Variants in ZFR2 observed in about 807,000 individuals in gnomAD.
ZFR2 encodes zinc finger RNA-binding protein 2.
ZFR2 carries 104 observed loss-of-function variants against 105.7 expected under a neutral mutation model. The ratio of observed to expected loss-of-function variants is 0.98; its 90% confidence interval spans 0.84 to 1.16. The LOEUF (loss-of-function observed/expected upper bound fraction) is 1.16, where lower values mean the gene tolerates loss of function less well. ZFR2 is among the 50% of genes most tolerant of loss of function. ZFR2 has a pLI of 0.00. For missense variants in ZFR2, 1,425 were observed against 1,355.5 expected (o/e 1.05, Z -0.80); for synonymous variants, 634 against 597.7 (o/e 1.06, Z -0.89).
chr19:3,805,763 C>T lies in ZFR2; in HGVS notation c.*186G>A, dbSNP rs1305447434. The stretch of plus-strand genomic sequence containing the variant: ...TCAAGCAACTCAGCCTCCCAAAGTG[C>T]TGGGATTAAAGGCATGAGCCACAGT... On this transcript the variant is annotated 3_prime_UTR_variant, in exon 19 of 19. Coordinates refer to ENST00000262961, the MANE Select transcript of ZFR2 (RefSeq NM_015174.2). 1.5e-6 allele frequency: 1 copy of T among 653,014 alleles called. No homozygotes were observed. The allele number at this position is 653,014 out of a possible 1,614,324, so 40.5% of individuals were successfully genotyped here. A position where few individuals can be genotyped will look rare whatever the true frequency, so the allele number is the denominator to read the frequency against.
chr19:3,867,252 A>G (rs2038441642), intron 1 of ZFR2, among the ~76,000 whole-genome samples: 1 of 151,232 alleles, frequency 6.6e-6, no homozygotes, highest in Admixed American at 6.6e-5. Flanking sequence ...GGTTATAGCA[A>G]GCTACCAGCT....
At chr19:3,855,594 A>C in intron 1 of ZFR2, 1 of 514,614 alleles carries the variant, frequency 1.9e-6, no homozygotes, top group East Asian at 3.5e-5. Context: ...GGGGTCAGCA[A>C]AATAATTCAA....
chr19:3,848,992 T>TCAAAA (rs143956990), intron 1 of ZFR2, among the ~76,000 whole-genome samples: 20,118 of 151,636 alleles, frequency 0.13, 1,840 homozygotes, highest in African/African-American at 0.27. Flanking sequence ...AGACTCCGTC[T>TCAAAA]CAAAACAAAA....
chr19:3,832,108 G>C (rs1435283138), intron 3 of ZFR2, among the ~76,000 whole-genome samples: 6 of 152,162 alleles, frequency 3.9e-5, no homozygotes, highest in African/African-American at 1.4e-4. Context: ...GGCTGTGGGT[G>C]CCCTAGACAA....
chr19:3,836,863 A>G (rs928455742), intron 1 of ZFR2, among the ~76,000 whole-genome samples: 1 of 152,242 alleles, frequency 6.6e-6, no homozygotes, highest in Non-Finnish European at 1.5e-5. Flanking sequence ...TGGAGTCTAA[A>G]AGCCCATTTG....
chr19:3,868,382 CG>C (rs2038458829), intron 1 of ZFR2, among the ~76,000 whole-genome samples: 1 of 147,730 alleles, frequency 6.8e-6, no homozygotes, highest in African/African-American at 2.5e-5. Flanking sequence ...CCCCCGCAAT[CG>C]GGGGTCAATG....
chr19:3,807,495 C>G (rs535380966), intron 17 of ZFR2, among the ~76,000 whole-genome samples: 1 of 152,250 alleles, frequency 6.6e-6, no homozygotes, highest in Non-Finnish European at 1.5e-5. Context: ...CTGCCAGCAT[C>G]TCCTGGGCGT....
In ZFR2 at chr19:3,833,742, T is replaced by A. The variant is rs2038046025; in HGVS notation, c.301A>T (p.Ser101Cys). Residue 101 changes from serine to cysteine, a missense_variant, in exon 3 of 19, where the codon AGC (serine) becomes TGC (cysteine). By Grantham distance (112) the Ser-to-Cys change is moderately radical. Transcript: ENST00000262961. ...TGGAAGTACGGCCTGTCCTCATAGCTCCTGGCAGCTGCTGACTGTCCGTAG... is the reference window on the plus strand; with the variant it reads ...TGGAAGTACGGCCTGTCCTCATAGCACCTGGCAGCTGCTGACTGTCCGTAG... ...YSYGQSAAARSYEDRPYFQSA... is the reference protein window; with the variant it reads ...YSYGQSAAARCYEDRPYFQSA... 2 of 1,582,820 alleles carry A rather than the reference T, an allele frequency of 1.3e-6. No individual in the cohort carries two copies. The highest frequency in any genetic ancestry group is 1.7e-6 in the Non-Finnish European group (2 of 1,164,160).
At chr19:3,847,933 G>A (rs1335155560) in intron 1 of ZFR2, among the ~76,000 whole-genome samples, 1 of 152,146 alleles carries the variant, frequency 6.6e-6, no homozygotes, top group East Asian at 1.9e-4. Context: ...AACCAAGCTG[G>A]CCAGAAGACA....
chr19:3,842,698 A>G (rs1028714217), intron 1 of ZFR2, among the ~76,000 whole-genome samples: 1 of 149,160 alleles, frequency 6.7e-6, no homozygotes, highest in African/African-American at 2.5e-5. Flanking sequence ...ATCTCAGCTC[A>G]CTGCAACCTC....
At chr19:3,862,685 T>C (rs2038386345) in intron 1 of ZFR2, among the ~76,000 whole-genome samples, 1 of 152,236 alleles carries the variant, frequency 6.6e-6, no homozygotes, top group Admixed American at 6.5e-5. Flanking sequence ...GTATAGGAGC[T>C]CAGACCGCAA....
chr19:3,808,207 G>A (rs940349427), intron 17 of ZFR2, among the ~76,000 whole-genome samples: 2 of 147,716 alleles, frequency 1.4e-5, no homozygotes, highest in Admixed American at 6.7e-5. Context: ...GTGTATGTGC[G>A]TGTGTGCCCG....
intron 1 of ZFR2, among the ~76,000 whole-genome samples, chr19:3,856,770 G>A (rs1443843000): frequency 1.3e-5 from 2 of 152,144 alleles, no homozygotes; most frequent in East Asian, 1.9e-4. Context: ...TTGCTCTGTC[G>A]CCCAGGCTGG....
intron 14 of ZFR2, among the ~76,000 whole-genome samples, chr19:3,812,230 C>A (rs568763699): frequency 6.6e-6 from 1 of 152,150 alleles, no homozygotes. Context: ...AGGCGTGAGC[C>A]ACCGCGCCTG....
chr19:3,838,212 T>G lies in ZFR2; in HGVS notation c.54-3229A>C, dbSNP rs1203235161. Among the ~76,000 whole-genome samples the G allele has an allele frequency of 2.6e-5, 4 of 151,452 alleles. No individual in the cohort carries two copies. Among genetic ancestry groups the G allele is most frequent in the Non-Finnish European group, 4.4e-5 (3 of 67,850 alleles). On this transcript the variant is annotated intron_variant, in intron 1 of 18. Transcript: ENST00000262961. This position sits in a 1 kb window ranked among gnomAD's most constrained non-coding sequence, Gnocchi z 4.9. ...ACCCGATGAACATCCCGACAATACA[T>G]TCGATGAACACCGTGACTACTGACA...
chr19:3,864,870 C>T (rs1202605117), intron 1 of ZFR2, among the ~76,000 whole-genome samples: 1 of 152,144 alleles, frequency 6.6e-6, no homozygotes, highest in African/African-American at 2.4e-5. Flanking sequence ...GCCTCAGCCT[C>T]CCAAGTAGCT....
chr19:3,821,282 C>T, intron 10 of ZFR2, 58 bp downstream of exon 10: 3 of 1,480,656 alleles, frequency 2.0e-6, no homozygotes, highest in Non-Finnish European at 1.8e-6. Context: ...CGTCTAGGTT[C>T]CACGCTGGAC....
At chr19:3,811,434 A>G (rs1599220056) in intron 14 of ZFR2, 68 bp from the exon 15 acceptor site, 1 of 1,435,074 alleles carries the variant, frequency 7.0e-7, no homozygotes. Flanking sequence ...CGACGGGGTG[A>G]GGGGCTCAGT....
At position 3,831,358 on chromosome 19, in the gene ZFR2, C is replaced by T; in HGVS notation, c.797G>A (p.Arg266Lys). Residue 266 changes from arginine (R) to lysine (K), a missense_variant, in exon 5 of 19, where the codon AGG becomes AAG. Physicochemically the swap from Arg to Lys is conservative, Grantham distance 26 (BLOSUM62 2). Transcript: ENST00000262961. ...SKLPRPKAGP[R>K]QLQLHYCDIC... ...GTCGCAGTAGTGAAGCTGGAGCTGC[C>T]TGGGCCCCGCCTTGGGTCTCGGCAG... 2 of 1,557,220 alleles carry T rather than the reference C, an allele frequency of 1.3e-6. No homozygotes were observed. Among genetic ancestry groups the T allele is most frequent in the Non-Finnish European group, 1.7e-6 (2 of 1,152,516 alleles).
Sources: allele counts gnomAD v4.1 joint callset (sites outside exome capture counted in the v4.1 genomes callset), GRCh38; gene constraint gnomAD v4.1.1; non-coding constraint Gnocchi (gnomAD v3.1); transcripts MANE v1.5; gene names NCBI Gene and HGNC (gene_info 2026-07-23, HGNC 2026-07-21).